The following PLXNB2 variants were observed in gnomAD, a reference collection of about 807,000 sequenced individuals.
PLXNB2 encodes plexin B2, also known as plexin-B2.
A neutral mutation model predicts 202.6 loss-of-function variants in PLXNB2; 85 were observed. The ratio of observed to expected loss-of-function variants is 0.42; its 90% CI spans 0.35 to 0.50. PLXNB2 has a LOEUF of 0.50. PLXNB2 is among the 20% of genes least tolerant of loss of function. The pLI is 0.02. For missense variants in PLXNB2, 2,063 were observed against 2,586.2 expected (o/e 0.80, Z 4.39); for synonymous variants, 1,239 against 1,137.6 (o/e 1.09, Z -1.79).
intron 1 of PLXNB2, among the ~76,000 whole-genome samples, chr22:50,303,032 C>T (rs1265897023): frequency 6.6e-6 from 1 of 152,010 alleles, no homozygotes; most frequent in African/African-American, 2.4e-5. Flanking sequence ...CCCTCAAGCC[C>T]CCCGCCATCC....
Position 50,294,799 on chromosome 22 carries a change from G to T in PLXNB2, c.-73-21C>A, listed in dbSNP as rs543575251. On this transcript the variant is annotated intron_variant, in intron 1 of 36. Coordinates refer to ENST00000359337, the MANE Select transcript of PLXNB2 (RefSeq NM_012401.4). ...ATTCTCTAGGAGGCAAAGGAGAGAC[G>T]CCGGTCACAAGAGGAGCCCGGTCTG... The T allele has an allele frequency of 9.2e-6, 9 of 982,366 alleles. No homozygotes were observed. In the East Asian group the frequency reaches 7.9e-4, roughly 87 times the overall value. 60.9% of individuals were successfully genotyped at this position (982,366 alleles called of 1,614,324 possible).
At chr22:50,292,645 G>C (rs1027852598) in intron 2 of PLXNB2, among the ~76,000 whole-genome samples, 4 of 152,026 alleles carry the variant, frequency 2.6e-5, no homozygotes, top group Admixed American at 2.0e-4. Context: ...AGCCCGCTCT[G>C]CTGCTCCGTA....
At position 50,284,200 on chromosome 22, in the gene PLXNB2, G is replaced by A; in HGVS notation, c.2195C>T (p.Ala732Val). Residue 732 changes from alanine to valine, a missense_variant, in exon 13 of 37, where the codon GCC (alanine) becomes GTC (valine). Transcript: ENST00000359337. The surrounding 1 kb of genome is among the most constrained non-coding windows in gnomAD (Gnocchi z 8.0). ...GAGGTGCAGGGGCAGCGTCTCGTTGGCATCGTGGGACAGCTGGGGGACACG... is the reference window on the plus strand; with the variant it reads ...GAGGTGCAGGGGCAGCGTCTCGTTGACATCGTGGGACAGCTGGGGGACACG... ...AFRTPKLSHD[A>V]NETLPLHLYV... 6.2e-7 allele frequency: 1 copy of A among 1,612,782 alleles called. No individual in the cohort carries two copies. The highest frequency in any genetic ancestry group is 8.5e-7 in the Non-Finnish European group (1 of 1,179,712).
At chr22:50,278,406 A>G in intron 30 of PLXNB2, 29 bp downstream of exon 30, 1 of 1,561,848 alleles carries the variant, frequency 6.4e-7, no homozygotes. Context: ...CAGGGGCTGG[A>G]AGGAAACGGG....
intron 22 of PLXNB2, 85 bp from the exon 23 acceptor site, chr22:50,281,274 T>G: frequency 1.3e-6 from 2 of 1,576,672 alleles, no homozygotes; most frequent in South Asian, 2.2e-5. Context: ...CACGCCTGCC[T>G]GTGCAGGGCG....
intron 15 of PLXNB2, 37 bp from the exon 16 acceptor site, chr22:50,283,482 C>A: frequency 1.3e-6 from 2 of 1,590,960 alleles, no homozygotes; most frequent in African/African-American, 1.3e-5. Context: ...AGGCACTCCC[C>A]GACCCACCCC....
chr22:50,277,797 C>A (rs1182175030), intron 32 of PLXNB2, 56 bp downstream of exon 32: 2 of 1,602,606 alleles, frequency 1.2e-6, no homozygotes, highest in Non-Finnish European at 8.5e-7. Context: ...GGTGTGGAGC[C>A]TCCCAAGTGA....
At chr22:50,287,057 C>T (rs1178356704) in intron 8 of PLXNB2, 54 bp downstream of exon 8, 12 of 1,444,910 alleles carry the variant, frequency 8.3e-6, no homozygotes, top group Non-Finnish European at 1.1e-5. Context: ...CCCGTGTGCA[C>T]AGGGCCCCGT....
In PLXNB2 at chr22:50,288,270, C is replaced by A. The variant is rs1176415999; in HGVS notation, c.1381-233G>T. Among the ~76,000 whole-genome samples, 1 of 152,154 alleles carries A rather than the reference C, an allele frequency of 6.6e-6. No homozygotes were observed. Among genetic ancestry groups the A allele is most frequent in the Non-Finnish European group, 1.5e-5 (1 of 68,008 alleles). The stretch of plus-strand genomic sequence containing the variant: ...GTCTTGGCTATGGTGTCTCCCGGGG[C>A]AGCTCCTGTCCTCTACACTGGCTCC... On this transcript the variant is annotated intron_variant, in intron 5 of 36. Coordinates refer to ENST00000359337, the MANE Select transcript of PLXNB2 (RefSeq NM_012401.4). The surrounding 1 kb of genome is among the most constrained non-coding windows in gnomAD (Gnocchi z 5.0).
chr22:50,279,595 A>C, intron 27 of PLXNB2, 35 bp downstream of exon 27: 1 of 1,607,438 alleles, frequency 6.2e-7, no homozygotes, highest in Non-Finnish European at 8.5e-7. Context: ...CCCAGATCCG[A>C]GGCGCCCATG....
In PLXNB2 at chr22:50,289,447, G is replaced by C. The variant is rs1376868491; in HGVS notation, c.1068+70C>G. On this transcript the variant is annotated intron_variant, in intron 3 of 36. Coordinates refer to ENST00000359337, the MANE Select transcript of PLXNB2 (RefSeq NM_012401.4). The surrounding 1 kb of genome is among the most constrained non-coding windows in gnomAD (Gnocchi z 8.0). The stretch of plus-strand genomic sequence containing the variant: ...TGCTCACGTGCACCCTCCCCAGCAG[G>C]CTGGGACACGCAAACCCACGAACGG... 8.1e-6 allele frequency: 12 copies of C among 1,488,900 alleles called. No homozygotes were observed. The highest frequency in any genetic ancestry group is 1.1e-5 in the Non-Finnish European group (12 of 1,115,520). 92.2% of individuals were successfully genotyped at this position (1,488,900 alleles called of 1,614,324 possible). A position where few individuals can be genotyped will look rare whatever the true frequency, so the allele number is the denominator to read the frequency against.
intron 1 of PLXNB2, among the ~76,000 whole-genome samples, chr22:50,298,125 G>T (rs936743518): frequency 6.6e-6 from 1 of 152,254 alleles, no homozygotes; most frequent in African/African-American, 2.4e-5. Flanking sequence ...GGCACCTGCC[G>T]GTCCAAACTC....
chr22:50,286,912 G>A (rs374723774), intron 8 of PLXNB2, among the ~76,000 whole-genome samples, 199 bp downstream of exon 8: 11 of 152,178 alleles, frequency 7.2e-5, no homozygotes, highest in Admixed American at 4.6e-4. Context: ...GCGTGGCTGC[G>A]GACAGCCCAA....
Position 50,288,265 on chromosome 22 carries a change from C to T in PLXNB2, c.1381-228G>A, listed in dbSNP as rs930073798. On this transcript the variant is annotated intron_variant, in intron 5 of 36. Coordinates refer to ENST00000359337, the MANE Select transcript of PLXNB2 (RefSeq NM_012401.4). The surrounding 1 kb of genome is among the most constrained non-coding windows in gnomAD (Gnocchi z 5.0). ...TGGAGGTCTTGGCTATGGTGTCTCCCGGGGCAGCTCCTGTCCTCTACACTG... is the reference window on the plus strand; with the variant it reads ...TGGAGGTCTTGGCTATGGTGTCTCCTGGGGCAGCTCCTGTCCTCTACACTG... 6.6e-6 allele frequency among the ~76,000 whole-genome samples: 1 copy of T among 152,106 alleles called. No individual in the cohort carries two copies. Among genetic ancestry groups the T allele is most frequent in the African/African-American group, 2.4e-5 (1 of 41,412 alleles).
chr22:50,292,707 C>T (rs1023748456), intron 2 of PLXNB2, among the ~76,000 whole-genome samples: 51 of 152,020 alleles, frequency 3.4e-4, no homozygotes, highest in African/African-American at 1.2e-3. Flanking sequence ...GCTGCATTTA[C>T]TGGCACAGCC....
chr22:50,293,507 C>CCGCTCACCCGGCCCAGCT, intron 2 of PLXNB2, among the ~76,000 whole-genome samples: 1 of 152,202 alleles, frequency 6.6e-6, no homozygotes, highest in Non-Finnish European at 1.5e-5. Context: ...CCTCCCAGCC[C>CCGCTCACCCGGCCCAGCT]CGCTCACCCG....
In PLXNB2 at chr22:50,291,568, C is replaced by T. The variant is rs927672461; in HGVS notation, c.-13-971G>A. On this transcript the variant is annotated intron_variant, in intron 2 of 36. Transcript: ENST00000359337. This position sits in a 1 kb window ranked among gnomAD's most constrained non-coding sequence, Gnocchi z 4.3. Reference sequence around the variant, plus strand: ...GCCCCACAGGTGGACCCAGGACATGCGTGGTCCTCTCTCTTTCCCTCCCTA... The same window carrying T: ...GCCCCACAGGTGGACCCAGGACATGTGTGGTCCTCTCTCTTTCCCTCCCTA... Among the ~76,000 whole-genome samples the T allele has an allele frequency of 7.2e-5, 11 of 152,084 alleles. No individual in the cohort carries two copies. The highest frequency in any genetic ancestry group is 3.3e-4 in the Admixed American group (5 of 15,278).
rs1445736054 is a variant in PLXNB2 at position 50,284,451 on chromosome 22, G to C, written c.2181+122C>G. 1.3e-6 allele frequency: 1 copy of C among 799,970 alleles called. No individual in the cohort carries two copies. The highest frequency in any genetic ancestry group is 2.7e-5 in the East Asian group (1 of 37,570). The allele number at this position is 799,970 out of a possible 1,614,324, so 49.6% of individuals were successfully genotyped here. ...GCAGCACAGGGCATGGCGAGCCCCT[G>C]GCTGGGCTCTGGTCCCTGGGGTCTC... On this transcript the variant is annotated intron_variant, in intron 12 of 36. Transcript: ENST00000359337. The surrounding 1 kb of genome is among the most constrained non-coding windows in gnomAD (Gnocchi z 8.0).
intron 1 of PLXNB2, among the ~76,000 whole-genome samples, chr22:50,296,193 T>TACACAC (rs58616888): frequency 0.19 from 26,956 of 139,194 alleles, 2,651 homozygotes; most frequent in South Asian, 0.23. Flanking sequence ...TCTCAAAAAA[T>TACACAC]ACACACACAC....
Sources: gnomAD v4.1 joint callset for allele counts (sites outside exome capture counted in the v4.1 genomes callset) on GRCh38, gnomAD v4.1.1 for gene constraint, Gnocchi (gnomAD v3.1) non-coding constraint, MANE v1.5 for transcripts, NCBI Gene and HGNC (gene_info 2026-07-23, HGNC 2026-07-21) for gene names.